PHF20L1: variants seen among roughly 807,000 people sequenced by gnomAD.
PHF20L1 encodes PHD finger protein 20 like 1.
Under a neutral mutation model 125.5 loss-of-function variants are expected in PHF20L1, and 44 were observed. That is an observed-to-expected ratio of 0.35 (90% CI 0.28 to 0.45). PHF20L1 has a LOEUF of 0.45. PHF20L1 is among the 20% of genes least tolerant of loss of function. The pLI, the probability that PHF20L1 is intolerant of heterozygous loss-of-function variation, is 1.00. For missense variants in PHF20L1, 1,012 were observed against 1,217.2 expected, an observed-to-expected ratio of 0.83 and a Z score of 2.51; for synonymous variants, 380 against 403.1, an observed-to-expected ratio of 0.94 and a Z score of 0.69.
At chr8:132,834,317 A>G (rs769068118) in intron 15 of PHF20L1, among the ~76,000 whole-genome samples, 26 of 152,200 alleles carry the variant, frequency 1.7e-4, no homozygotes, top group Non-Finnish European at 3.5e-4. Context: ...CCTTTCAATG[A>G]TATAATTTCA....
intron 14 of PHF20L1, chr8:132,826,096 A>G (rs375577102): frequency 1.3e-5 from 2 of 152,220 alleles, no homozygotes; most frequent in Non-Finnish European, 2.9e-5. Context: ...CACAGCCACA[A>G]ACTCTTCTTA....
chr8:132,807,733 G>T (rs758542903), intron 8 of PHF20L1: 8 of 455,830 alleles, frequency 1.8e-5, no homozygotes, highest in Middle Eastern at 3.3e-4. Context: ...GAAGAGACCA[G>T]CTGTGTATTT....
At chr8:132,788,145 C>G (rs1769292391) in intron 2 of PHF20L1, among the ~76,000 whole-genome samples, 1 of 152,040 alleles carries the variant, frequency 6.6e-6, no homozygotes, top group African/African-American at 2.4e-5. Flanking sequence ...AAGAGAACAT[C>G]CTTGTTCAGA....
intron 12 of PHF20L1, chr8:132,818,403 C>T (rs184171959): frequency 2.6e-5 from 4 of 151,928 alleles, no homozygotes; most frequent in African/African-American, 4.8e-5. Context: ...TGTTTACAGG[C>T]GTCTTCCCTG....
chr8:132,834,312 C>T (rs1458309581), intron 15 of PHF20L1, among the ~76,000 whole-genome samples: 1 of 152,042 alleles, frequency 6.6e-6, no homozygotes, highest in African/African-American at 2.4e-5. Context: ...TAATTCCTTT[C>T]AATGATATAA....
intron 4 of PHF20L1, among the ~76,000 whole-genome samples, chr8:132,796,334 A>G (rs1053654530): frequency 6.6e-6 from 1 of 152,066 alleles, no homozygotes; most frequent in Non-Finnish European, 1.5e-5. Flanking sequence ...TAATCTTGCT[A>G]AAGAATTAGA....
chr8:132,775,409 C>A lies in PHF20L1; in HGVS notation c.-274C>A. The A allele has an allele frequency of 5.4e-6, 2 of 371,072 alleles. No homozygotes were observed. The highest frequency in any genetic ancestry group is 4.7e-6 in the Non-Finnish European group (1 of 211,054). 23.0% of individuals were successfully genotyped at this position (371,072 alleles called of 1,614,324 possible). On this transcript the variant is annotated 5_prime_UTR_variant, in exon 1 of 21. Coordinates refer to ENST00000395386, the MANE Select transcript of PHF20L1 (RefSeq NM_016018.5). Reference sequence around the variant, plus strand: ...CGTCAGGGCTGGCCGGCGGCGGAGGCGGCGGCGGCGGCGGCGATGGCAGCG... The same window carrying A: ...CGTCAGGGCTGGCCGGCGGCGGAGGAGGCGGCGGCGGCGGCGATGGCAGCG...
At chr8:132,793,148 C>G (rs1831963306) in intron 2 of PHF20L1, among the ~76,000 whole-genome samples, 2 of 151,852 alleles carry the variant, frequency 1.3e-5, no homozygotes, top group Non-Finnish European at 2.9e-5. Flanking sequence ...CTGTGTTTAA[C>G]CAAGTCTGCA....
At chr8:132,793,573 C>T (rs1355802933) in intron 2 of PHF20L1, among the ~76,000 whole-genome samples, 1 of 152,084 alleles carries the variant, frequency 6.6e-6, no homozygotes, top group East Asian at 1.9e-4. Context: ...GTTATTTAAT[C>T]ATACTTTAAA....
At chr8:132,782,772 CTTTT>C (rs201732108) in intron 2 of PHF20L1, among the ~76,000 whole-genome samples, 1 of 141,950 alleles carries the variant, frequency 7.0e-6, no homozygotes. Context: ...TTTTCTTTTT[CTTTT>C]TTTTTTTTTG....
chr8:132,801,661 C>A, intron 6 of PHF20L1, among the ~76,000 whole-genome samples: 1 of 151,258 alleles, frequency 6.6e-6, no homozygotes, highest in African/African-American at 2.4e-5. Context: ...TGATGGACAC[C>A]CTAAATACAC....
intron 15 of PHF20L1, among the ~76,000 whole-genome samples, chr8:132,833,994 C>G (rs553535249): frequency 1.3e-5 from 2 of 152,086 alleles, no homozygotes; most frequent in South Asian, 2.1e-4. Context: ...ACCACACTTG[C>G]AAAATGCTGT....
chr8:132,786,287 T>C (rs1253899596), intron 2 of PHF20L1, among the ~76,000 whole-genome samples: 2 of 152,122 alleles, frequency 1.3e-5, no homozygotes, highest in African/African-American at 4.8e-5. Flanking sequence ...TACTTAGTCA[T>C]AGTTGAGATG....
chr8:132,801,066 C>T (rs1265878325), intron 6 of PHF20L1, among the ~76,000 whole-genome samples: 2 of 151,496 alleles, frequency 1.3e-5, no homozygotes, highest in African/African-American at 4.8e-5. Flanking sequence ...TATGAGATAC[C>T]TCCTTGTTCC....
At chr8:132,814,443 C>T (rs1483548255) in intron 9 of PHF20L1, among the ~76,000 whole-genome samples, 194 bp from the exon 10 acceptor site, 1 of 151,624 alleles carries the variant, frequency 6.6e-6, no homozygotes, top group South Asian at 2.1e-4. Context: ...TGACAGCATC[C>T]CTTTAAAGAC....
intron 8 of PHF20L1, among the ~76,000 whole-genome samples, chr8:132,805,589 G>A (rs1168687433): frequency 1.3e-5 from 2 of 151,834 alleles, no homozygotes; most frequent in Admixed American, 6.6e-5. Context: ...AGTGCCTTTG[G>A]CCTAATAAAG....
Position 132,848,665 on chromosome 8 carries a change from G to C in PHF20L1, c.*2742G>C, listed in dbSNP as rs2049883. On this transcript the variant is annotated 3_prime_UTR_variant, in exon 21 of 21. Transcript: ENST00000395386. ...AGTAATGTACTTCGAAAACAACTTGGTTATTCTTTAAATTTCAGGTAAAAC... is the reference window on the plus strand; with the variant it reads ...AGTAATGTACTTCGAAAACAACTTGCTTATTCTTTAAATTTCAGGTAAAAC... 0.41 allele frequency: 62,825 copies of C among 151,976 alleles called. 13,094 individuals are homozygous for C. Among genetic ancestry groups the C allele is most frequent in the South Asian group, 0.51 (2,436 of 4,810 alleles). The allele number at this position is 151,976 out of a possible 1,614,324, so 9.4% of individuals were successfully genotyped here. A position where few individuals can be genotyped will look rare whatever the true frequency, so the allele number is the denominator to read the frequency against.
chr8:132,827,611 G>C (rs1313352042), intron 14 of PHF20L1, among the ~76,000 whole-genome samples: 2 of 151,972 alleles, frequency 1.3e-5, no homozygotes, highest in Non-Finnish European at 2.9e-5. Flanking sequence ...ATGAGGGCTA[G>C]AGCTTAAGAG....
intron 2 of PHF20L1, among the ~76,000 whole-genome samples, chr8:132,781,492 A>C (rs1171738719): frequency 2.0e-5 from 3 of 151,988 alleles, no homozygotes; most frequent in Non-Finnish European, 4.4e-5. Context: ...GGCTCACTGC[A>C]ACCTCCGCTC....
Sources: gnomAD v4.1 joint callset for allele counts (sites outside exome capture counted in the v4.1 genomes callset) on GRCh38, gnomAD v4.1.1 for gene constraint, MANE v1.5 for transcripts, NCBI Gene and HGNC (gene_info 2026-07-23, HGNC 2026-07-21) for gene names.